Variants in SERINC5 observed in about 807,000 individuals in gnomAD.
SERINC5 encodes the protein serine incorporator 5.
SERINC5 carries 41 observed loss-of-function variants against 63.1 expected under a neutral mutation model. The observed-to-expected ratio is 0.65, with a 90% CI of 0.51 to 0.84. The LOEUF (loss-of-function observed/expected upper bound fraction) is 0.84, where lower values mean the gene tolerates loss of function less well. SERINC5 is among the 40% of genes least tolerant of loss of function. The pLI is 0.00. For synonymous variants in SERINC5, 222 were observed against 215.2 expected, an observed-to-expected ratio of 1.03 and a Z score of -0.28; for missense variants, 523 against 573.0, an observed-to-expected ratio of 0.91 and a Z score of 0.89.
intron 11 of SERINC5, among the ~76,000 whole-genome samples, chr5:80,119,216 C>T (rs1744447497): frequency 6.6e-6 from 1 of 152,154 alleles, no homozygotes; most frequent in African/African-American, 2.4e-5. Context: ...ATTGGTAGCT[C>T]TCATTACTAG....
At chr5:80,163,415 T>C (rs969147004) in intron 7 of SERINC5, among the ~76,000 whole-genome samples, 1 of 152,182 alleles carries the variant, frequency 6.6e-6, no homozygotes, top group Non-Finnish European at 1.5e-5. Flanking sequence ...CTTGGTTCAG[T>C]TCTCAAAAGT....
intron 2 of SERINC5, among the ~76,000 whole-genome samples, chr5:80,202,313 A>G: frequency 6.6e-6 from 1 of 152,210 alleles, no homozygotes; most frequent in East Asian, 1.9e-4. Context: ...AAGAAAAGAT[A>G]GTATATTTCA....
chr5:80,232,131 AAG>A (rs1430535559), intron 1 of SERINC5, among the ~76,000 whole-genome samples: 17 of 147,716 alleles, frequency 1.2e-4, no homozygotes, highest in Non-Finnish European at 1.8e-4. Context: ...AAGGCCGGGC[AAG>A]GTGGCTCACG....
chr5:80,158,798 G>C (rs1746697217), intron 8 of SERINC5, 38 bp downstream of exon 8: 2 of 1,585,062 alleles, frequency 1.3e-6, no homozygotes, highest in Non-Finnish European at 1.7e-6. Flanking sequence ...TAATTTTAAA[G>C]TCTGCAAAAG....
downstream of SERINC5, among the ~76,000 whole-genome samples, chr5:80,135,402 C>A (rs1745123059): frequency 6.6e-6 from 1 of 152,104 alleles, no homozygotes; most frequent in Non-Finnish European, 1.5e-5. Flanking sequence ...AAATCAGGTC[C>A]AGCTGTGTGT....
rs762796265 is a variant in SERINC5 at position 80,150,927 on chromosome 5, C to T, written c.1008G>A (p.Ser336=). 6.8e-6 allele frequency: 11 copies of T among 1,613,430 alleles called. No individual in the cohort carries two copies. The highest frequency in any genetic ancestry group is 1.3e-5 in the African/African-American group (1 of 74,916). The part of the protein sequence containing the change: ...LYSCLTSTTR[S]SSDALQGRYA... Reference sequence around the variant, plus strand: ...ATCGCCCCTGCAGAGCGTCAGAACTCGATCTTGTTGTTGATGTCAAACTAA... The same window carrying T: ...ATCGCCCCTGCAGAGCGTCAGAACTTGATCTTGTTGTTGATGTCAAACTAA... The change falls in exon 9 of 12, where the codon TCG becomes TCA. Residue 336 remains serine, a synonymous_variant. Coordinates refer to ENST00000507668, the MANE Select transcript of SERINC5 (RefSeq NM_001174072.3).
At chr5:80,159,691 G>A (rs1283295284) in intron 7 of SERINC5, among the ~76,000 whole-genome samples, 2 of 152,108 alleles carry the variant, frequency 1.3e-5, no homozygotes, top group Admixed American at 6.6e-5. Context: ...TGGGAGGAAT[G>A]GTAGTTGATC....
intron 5 of SERINC5, among the ~76,000 whole-genome samples, chr5:80,171,530 T>TA (rs1747655891): frequency 6.6e-6 from 1 of 151,942 alleles, no homozygotes; most frequent in Middle Eastern, 3.2e-3. Context: ...AATTTGACAT[T>TA]AAAAAAAGTT....
Position 80,142,513 on chromosome 5 carries a change from C to G in SERINC5, c.*1150G>C. ...CGCACCTCTTTTTAAGTATATTCGG[C>G]CACTTCCACACATTGCCTAACAAGC... On this transcript the variant is annotated 3_prime_UTR_variant, in exon 12 of 12. Transcript: ENST00000507668. 1 of 985,420 alleles carries G rather than the reference C, an allele frequency of 1.0e-6. No homozygotes were observed. The highest frequency in any genetic ancestry group is 1.7e-5 in the African/African-American group (1 of 57,344). 61.0% of individuals were successfully genotyped at this position (985,420 alleles called of 1,614,324 possible).
At chr5:80,134,240 C>T (rs145472196), downstream of SERINC5, among the ~76,000 whole-genome samples, 184 of 152,190 alleles carry the variant, frequency 1.2e-3, 1 homozygote, top group African/African-American at 4.3e-3. Flanking sequence ...AATCCCAGCA[C>T]GTTGGAAGGC....
At chr5:80,122,201 A>G (rs1413895618) in intron 11 of SERINC5, among the ~76,000 whole-genome samples, 1 of 144,568 alleles carries the variant, frequency 6.9e-6, no homozygotes, top group Non-Finnish European at 1.5e-5. Context: ...CTAATAGTAT[A>G]TATATATATA....
intron 8 of SERINC5, among the ~76,000 whole-genome samples, chr5:80,155,253 G>A (rs1432641811): frequency 6.6e-6 from 1 of 152,224 alleles, no homozygotes; most frequent in Admixed American, 6.5e-5. Flanking sequence ...AAGGGGTGTG[G>A]AGGGATGCGC....
intron 10 of SERINC5, among the ~76,000 whole-genome samples, chr5:80,146,567 C>T (rs1165368841): frequency 6.6e-6 from 1 of 152,228 alleles, no homozygotes; most frequent in Non-Finnish European, 1.5e-5. Context: ...ATTCTCCTGC[C>T]TCAGCCTCCC....
intron 11 of SERINC5, among the ~76,000 whole-genome samples, chr5:80,122,197 G>GTATATA (rs10700420): frequency 8.6e-6 from 1 of 116,726 alleles, no homozygotes; most frequent in Admixed American, 8.0e-5. Context: ...AGAACTAATA[G>GTATATA]TATATATATA....
At chr5:80,172,794 G>C (rs73772282) in intron 5 of SERINC5, among the ~76,000 whole-genome samples, 13,688 of 152,250 alleles carry the variant, frequency 0.09, 701 homozygotes, top group East Asian at 0.17. Context: ...TGACTGGTTT[G>C]TGCGTGGGAG....
rs1005372954 is a variant in SERINC5, at chr5:80,141,262, G to A, written c.*2401C>T. On this transcript the variant is annotated 3_prime_UTR_variant, in exon 12 of 12. Coordinates refer to ENST00000507668, the MANE Select transcript of SERINC5 (RefSeq NM_001174072.3). ...ATCAGACCAACCGGCAGAAGGGAAC[G>A]GGATGTCACAAACCAGACTCACGCA... is the stretch of plus-strand genomic sequence containing the variant. The A allele has an allele frequency of 2.0e-6, 2 of 985,452 alleles. No individual in the cohort carries two copies. The highest frequency in any genetic ancestry group is 2.4e-6 in the Non-Finnish European group (2 of 829,952). The allele number at this position is 985,452 out of a possible 1,614,324, so 61.0% of individuals were successfully genotyped here.
chr5:80,203,959 G>A (rs1433736587), intron 1 of SERINC5, among the ~76,000 whole-genome samples: 1 of 152,154 alleles, frequency 6.6e-6, no homozygotes, highest in Non-Finnish European at 1.5e-5. Flanking sequence ...TCAGCCGCAT[G>A]TACATAATAG....
At chr5:80,117,967 C>A (rs1393806015) in intron 11 of SERINC5, among the ~76,000 whole-genome samples, 1 of 151,368 alleles carries the variant, frequency 6.6e-6, no homozygotes, top group Non-Finnish European at 1.5e-5. Context: ...TGTTGGGAGG[C>A]CGAGGTGGGC....
chr5:80,232,101 T>TAAAAA (rs34890012), intron 1 of SERINC5, among the ~76,000 whole-genome samples: 1 of 119,498 alleles, frequency 8.4e-6, no homozygotes, highest in South Asian at 2.9e-4. Flanking sequence ...GATTCTGTCT[T>TAAAAA]AAAAAAAAAA....
Sources: gnomAD v4.1 joint callset for allele counts (sites outside exome capture counted in the v4.1 genomes callset) on GRCh38, gnomAD v4.1.1 for gene constraint, MANE v1.5 for transcripts, NCBI Gene and HGNC (gene_info 2026-07-23, HGNC 2026-07-21) for gene names.